Variants in CCDC178 observed in about 807,000 individuals in gnomAD.
CCDC178 encodes the protein coiled-coil domain-containing protein 178.
CCDC178 carries 126 observed loss-of-function variants against 117.4 expected under a neutral mutation model. That is an observed-to-expected ratio of 1.07 (90% CI 0.93 to 1.24). The LOEUF is 1.24. Ranked by LOEUF, CCDC178 falls within the 50% of genes most tolerant of loss-of-function variation. The pLI is 0.00. For missense variants in CCDC178, 1,030 were observed against 986.9 expected, an observed-to-expected ratio of 1.04 and a Z score of -0.59; for synonymous variants, 283 against 313.4, an observed-to-expected ratio of 0.90 and a Z score of 1.02.
At chr18:33,226,405 T>C (rs1408968374) in intron 16 of CCDC178, among the ~76,000 whole-genome samples, 1 of 152,182 alleles carries the variant, frequency 6.6e-6, no homozygotes, top group East Asian at 1.9e-4. Flanking sequence ...TCAAAATCTC[T>C]ATATGGAAGT....
chr18:33,042,005 A>G (rs774313658), intron 21 of CCDC178, among the ~76,000 whole-genome samples: 7 of 151,956 alleles, frequency 4.6e-5, no homozygotes, highest in Non-Finnish European at 7.4e-5. Flanking sequence ...GCTTATAAAT[A>G]TAAAGGAAGA....
intron 21 of CCDC178, among the ~76,000 whole-genome samples, chr18:32,997,883 A>G (rs1409253291): frequency 6.6e-6 from 1 of 152,170 alleles, no homozygotes; most frequent in Non-Finnish European, 1.5e-5. Flanking sequence ...ATTCATTTTT[A>G]TACTATCCAA....
At chr18:33,032,157 C>G (rs2056356957) in intron 21 of CCDC178, among the ~76,000 whole-genome samples, 1 of 152,086 alleles carries the variant, frequency 6.6e-6, no homozygotes, top group African/African-American at 2.4e-5. Flanking sequence ...TTTACTGACT[C>G]AGTTTGTTTT....
chr18:33,105,127 A>G (rs991129972), intron 20 of CCDC178, among the ~76,000 whole-genome samples: 3 of 151,684 alleles, frequency 2.0e-5, no homozygotes, highest in Non-Finnish European at 4.4e-5. Context: ...GGCATTTGTT[A>G]TTGAAAAGTA....
chr18:33,211,896 T>G lies in CCDC178; in HGVS notation c.2238A>C (p.Gln746His). 1 of 1,601,368 alleles carries G rather than the reference T, an allele frequency of 6.2e-7. No homozygotes were observed. The highest frequency in any genetic ancestry group is 1.1e-5 in the South Asian group (1 of 88,026). The change falls in exon 20 of 23, where the codon CAA (glutamine) becomes CAC (histidine). Residue 746 changes from glutamine (Q) to histidine (H), a missense_variant and splice_region_variant. Transcript: ENST00000383096. ...AVRQKTLQDT[Q>H]KIIADSLEEN... is the part of the protein sequence containing the mutation. ...TGAAACATGCAAAAATAATACTCAC[T>G]TGGGTATCTTGAAGAGTTTTTTGTC...
chr18:33,068,946 GAACT>G (rs2057064951), intron 21 of CCDC178, among the ~76,000 whole-genome samples: 1 of 151,942 alleles, frequency 6.6e-6, no homozygotes, highest in African/African-American at 2.4e-5. Context: ...AAAACTCTAA[GAACT>G]AATAAATGAA....
intron 21 of CCDC178, among the ~76,000 whole-genome samples, chr18:33,080,925 G>T (rs2057286881): frequency 6.6e-6 from 1 of 151,826 alleles, no homozygotes; most frequent in African/African-American, 2.4e-5. Flanking sequence ...ATAAAAATAT[G>T]GTGCAATAAG....
chr18:33,324,959 A>T (rs2062564939), intron 10 of CCDC178, among the ~76,000 whole-genome samples: 1 of 151,786 alleles, frequency 6.6e-6, no homozygotes, highest in Non-Finnish European at 1.5e-5. Context: ...ATACAAACTT[A>T]TTTTGAAAAC....
At chr18:33,342,138 T>C (rs963415073) in intron 9 of CCDC178, among the ~76,000 whole-genome samples, 2 of 152,142 alleles carry the variant, frequency 1.3e-5, no homozygotes, top group African/African-American at 2.4e-5. Flanking sequence ...TAATTAACAA[T>C]TGAAGATGAG....
At chr18:33,033,726 G>A (rs2056390330) in intron 21 of CCDC178, among the ~76,000 whole-genome samples, 1 of 151,766 alleles carries the variant, frequency 6.6e-6, no homozygotes, top group African/African-American at 2.4e-5. Flanking sequence ...TTCCCTGTTT[G>A]TATTTCTCTT....
intron 11 of CCDC178, among the ~76,000 whole-genome samples, chr18:33,295,904 G>T (rs574931105): frequency 4.1e-4 from 62 of 152,172 alleles, no homozygotes; most frequent in African/African-American, 1.5e-3. Flanking sequence ...TACAGTCAAC[G>T]TACATCCCAA....
chr18:33,004,842 G>A (rs1326992390), intron 21 of CCDC178, among the ~76,000 whole-genome samples: 1 of 152,008 alleles, frequency 6.6e-6, no homozygotes, highest in African/African-American at 2.4e-5. Flanking sequence ...GCATATGAAT[G>A]GCAAACAGGT....
chr18:33,275,690 G>GGA (rs2059940776), intron 12 of CCDC178, among the ~76,000 whole-genome samples: 1 of 121,464 alleles, frequency 8.2e-6, no homozygotes. Context: ...GGAGGAGGGA[G>GGA]GGGAAGCGGG....
At chr18:33,303,404 T>C (rs902463616) in intron 11 of CCDC178, among the ~76,000 whole-genome samples, 10 of 152,104 alleles carry the variant, frequency 6.6e-5, no homozygotes, top group Non-Finnish European at 1.3e-4. Flanking sequence ...TATTGAATAA[T>C]ATTATAGTTG....
intron 12 of CCDC178, among the ~76,000 whole-genome samples, chr18:33,290,273 T>C (rs2144864027): frequency 6.6e-6 from 1 of 152,344 alleles, no homozygotes; most frequent in Non-Finnish European, 1.5e-5. Context: ...TAATAAATTT[T>C]AAACTATTTC....
intron 10 of CCDC178, among the ~76,000 whole-genome samples, chr18:33,330,243 C>A (rs2062648192): frequency 1.3e-5 from 2 of 152,174 alleles, no homozygotes; most frequent in East Asian, 1.9e-4. Flanking sequence ...TATCACTTTT[C>A]TTCTACCTTA....
intron 5 of CCDC178, among the ~76,000 whole-genome samples, chr18:33,384,158 T>C (rs2063469185): frequency 6.6e-6 from 1 of 151,804 alleles, no homozygotes; most frequent in South Asian, 2.1e-4. Flanking sequence ...CAAACAAGAT[T>C]AGATAAAAAA....
At chr18:33,426,454 A>C (rs1202420340) in intron 2 of CCDC178, among the ~76,000 whole-genome samples, 1 of 152,246 alleles carries the variant, frequency 6.6e-6, no homozygotes, top group Non-Finnish European at 1.5e-5. Flanking sequence ...CATAGAAGTT[A>C]CATGCCCATG....
chr18:33,044,864 T>C (rs1370837178), intron 21 of CCDC178, among the ~76,000 whole-genome samples: 3 of 152,106 alleles, frequency 2.0e-5, no homozygotes, highest in Non-Finnish European at 4.4e-5. Flanking sequence ...TAATGTCTTT[T>C]GCAGCAACAT....
Sources: gnomAD v4.1 joint callset for allele counts (sites outside exome capture counted in the v4.1 genomes callset) on GRCh38, gnomAD v4.1.1 for gene constraint, MANE v1.5 for transcripts, NCBI Gene and HGNC (gene_info 2026-07-23, HGNC 2026-07-21) for gene names.